Variants in TMIGD2 observed in about 807,000 individuals in gnomAD.
TMIGD2 encodes the protein transmembrane and immunoglobulin domain containing 2, also known as transmembrane and immunoglobulin domain-containing protein 2.
A neutral mutation model predicts 22.6 loss-of-function variants in TMIGD2; 18 were observed. The observed-to-expected ratio is 0.80, with a 90% CI of 0.55 to 1.18. The LOEUF (loss-of-function observed/expected upper bound fraction) is 1.18, where lower values mean the gene tolerates loss of function less well. Ranked by LOEUF, TMIGD2 falls within the 50% of genes most tolerant of loss-of-function variation. TMIGD2 has a pLI of 0.00. For synonymous variants in TMIGD2, 184 were observed against 154.1 expected, an observed-to-expected ratio of 1.19 and a Z score of -1.44; for missense variants, 361 against 378.2, an observed-to-expected ratio of 0.95 and a Z score of 0.38.
At chr19:4,294,809 G>A (rs751804277) in exon 3 of TMIGD2, 5 of 1,585,714 alleles carry the variant, frequency 3.2e-6, no homozygotes, top group Non-Finnish European at 4.3e-6. Context: ...TGTTCTGTGT[G>A]GGGTCATCTG....
chr19:4,294,846 T>A, intron 2 of TMIGD2, 30 bp from the exon 3 acceptor site: 1 of 1,521,026 alleles, frequency 6.6e-7, no homozygotes, highest in Non-Finnish European at 8.8e-7. Flanking sequence ...GTCACGGGGG[T>A]GCCAGGCTTC....
At position 4,293,056 on chromosome 19, in the gene TMIGD2, T is replaced by C. The variant is rs765840186; in HGVS notation, c.563-171A>G. Among the ~76,000 whole-genome samples, 15 of 151,534 alleles carry C rather than the reference T, an allele frequency of 9.9e-5. No homozygotes were observed. In the East Asian group the frequency reaches 1.2e-3, roughly 12 times the overall value. ...TCGGCTCACTGCAAGCTTCGCCTCC[T>C]GGGTTCACGCCATTCTCCTGCCTCA... On this transcript the variant is annotated intron_variant, in intron 4 of 4. Coordinates refer to ENST00000301272, the Ensembl canonical transcript of TMIGD2.
intron 1 of TMIGD2, among the ~76,000 whole-genome samples, chr19:4,300,244 G>GCCTGGGTGAGAC (rs1456790054): frequency 1.4e-5 from 2 of 138,450 alleles, no homozygotes; most frequent in Non-Finnish European, 1.5e-5. Flanking sequence ...CTGGGTGACA[G>GCCTGGGTGAGAC]AGCGAGGCTC....
At chr19:4,301,939 AGAG>A (rs1971541682) in intron 1 of TMIGD2, among the ~76,000 whole-genome samples, 1 of 152,210 alleles carries the variant, frequency 6.6e-6, no homozygotes, top group Non-Finnish European at 1.5e-5. Flanking sequence ...ATGCAATTGC[AGAG>A]GAGGGTAGAG....
exon 2 of TMIGD2, chr19:4,297,994 A>C: frequency 1.9e-6 from 3 of 1,584,874 alleles, no homozygotes; most frequent in Non-Finnish European, 2.6e-6. Flanking sequence ...ACCTGGGTCC[A>C]CAAAGAGCCT....
At position 4,292,872 on chromosome 19, in the gene TMIGD2, GTAGAATGCATTTCC is replaced by G. The variant is rs780540600; in HGVS notation, c.563-1_575del. The G allele has an allele frequency of 6.2e-6, 10 of 1,613,678 alleles. No individual in the cohort carries two copies. Among genetic ancestry groups the G allele is most frequent in the Non-Finnish European group, 8.5e-6 (10 of 1,179,922 alleles). On this transcript the variant is annotated splice_acceptor_variant and coding_sequence_variant, in exon 5 of 5. Coordinates refer to ENST00000301272, the Ensembl canonical transcript of TMIGD2. LOFTEE classifies it high-confidence loss of function. ...CCCGGGGCCGGTATAGGACGTTGCTGTAGAATGCATTTCCTAGGATGGATGACACAGACCAAGAG... is the reference window on the plus strand; with the variant it reads ...CCCGGGGCCGGTATAGGACGTTGCTGTAGGATGGATGACACAGACCAAGAG...
chr19:4,294,487 C>T lies in TMIGD2; in HGVS notation c.562+80G>A. 6 of 1,225,344 alleles carry T rather than the reference C, an allele frequency of 4.9e-6. 1 individual carries two copies. The South Asian group carries it at 6.4e-5, about 13-fold the overall frequency. The allele number at this position is 1,225,344 out of a possible 1,614,324, so 75.9% of individuals were successfully genotyped here. A position where few individuals can be genotyped will look rare whatever the true frequency, so the allele number is the denominator to read the frequency against. ...CTCCCTTCATCCCTCCTCCATCCTT[C>T]CCCCAGGCGGGAGCACAGATGCAGT... On this transcript the variant is annotated intron_variant, in intron 4 of 4. Coordinates refer to ENST00000301272, the Ensembl canonical transcript of TMIGD2.
exon 5 of TMIGD2, chr19:4,292,855 C>T (rs532490116): frequency 4.9e-5 from 79 of 1,613,784 alleles, no homozygotes; most frequent in South Asian, 2.6e-4. Context: ...CCCCCGGGGC[C>T]GGTATAGGAC....
exon 1 of TMIGD2, chr19:4,302,387 C>T (rs142190672): frequency 9.0e-5 from 141 of 1,560,832 alleles, no homozygotes; most frequent in Non-Finnish European, 1.1e-4. Flanking sequence ...GGACCCCATT[C>T]CTGGCCCATC....
At chr19:4,295,700 T>C (rs1439769024) in intron 2 of TMIGD2, among the ~76,000 whole-genome samples, 1 of 152,154 alleles carries the variant, frequency 6.6e-6, no homozygotes, top group African/African-American at 2.4e-5. Flanking sequence ...TGGTTGTTTT[T>C]GTTTTTGTTT....
At chr19:4,296,118 T>C (rs1345488001) in intron 2 of TMIGD2, among the ~76,000 whole-genome samples, 1 of 152,148 alleles carries the variant, frequency 6.6e-6, no homozygotes, top group African/African-American at 2.4e-5. Context: ...GAGGTCTTGC[T>C]GTGTTGGCCA....
At chr19:4,294,802 T>C in exon 3 of TMIGD2, 1 of 1,586,408 alleles carries the variant, frequency 6.3e-7, no homozygotes, top group Non-Finnish European at 8.6e-7. Flanking sequence ...CGGTTTCTGT[T>C]CTGTGTGGGG....
chr19:4,299,698 C>A (rs968494267), intron 1 of TMIGD2, among the ~76,000 whole-genome samples: 8 of 151,756 alleles, frequency 5.3e-5, no homozygotes, highest in African/African-American at 1.9e-4. Context: ...ACCCGTCTGG[C>A]CAACGTGGTG....
At chr19:4,300,961 AGTTTTTGTTTTT>A (rs56121229) in intron 1 of TMIGD2, among the ~76,000 whole-genome samples, 5 of 151,254 alleles carry the variant, frequency 3.3e-5, no homozygotes, top group South Asian at 2.1e-4. Context: ...GTCCAATTGA[AGTTTTTGTTTTT>A]GTTTTTGTTT....
In TMIGD2 at chr19:4,298,062, G is replaced by A. The variant is rs761137600; in HGVS notation, c.330C>T (p.Tyr110=). The A allele has an allele frequency of 4.8e-5, 77 of 1,613,528 alleles. No individual in the cohort carries two copies. In the South Asian group the frequency reaches 7.4e-4, roughly 15 times the overall value. ...GAATCTCTACGGCCGCCCAGCACAC[G>A]TACGCCCCGCTGTGGTTGAGGCTCA... The change falls in exon 2 of 5, where the codon TAC becomes TAT. Residue 110 remains tyrosine, a synonymous_variant. Coordinates refer to ENST00000301272, the Ensembl canonical transcript of TMIGD2.
rs1048035422 is a variant in TMIGD2 at position 4,295,557 on chromosome 19, C to G, written c.407-741G>C. 1.6e-4 allele frequency among the ~76,000 whole-genome samples: 24 copies of G among 149,010 alleles called. 1 individual carries two copies. Among genetic ancestry groups the G allele is most frequent in the Non-Finnish European group, 1.5e-5 (1 of 67,466 alleles). ...CCTGGGCGACAGAGCGAGACTGTCT[C>G]GAAAAAAAAAAAGAAAAATGAGGCT... is the stretch of plus-strand genomic sequence containing the variant. On this transcript the variant is annotated intron_variant, in intron 2 of 4. Transcript: ENST00000301272.
chr19:4,302,258 G>GAT, intron 1 of TMIGD2, 82 bp downstream of exon 1: 1 of 1,434,744 alleles, frequency 7.0e-7, no homozygotes, highest in African/African-American at 1.4e-5. Context: ...CTGAAGTTTA[G>GAT]AGGGGCCCTG....
intron 2 of TMIGD2, among the ~76,000 whole-genome samples, chr19:4,296,402 C>CTAAA (rs1488215454): frequency 6.6e-6 from 1 of 152,240 alleles, no homozygotes; most frequent in African/African-American, 2.4e-5. Context: ...GGAACCCCAG[C>CTAAA]TAAAGGCTGT....
intron 1 of TMIGD2, among the ~76,000 whole-genome samples, chr19:4,299,114 A>G (rs1971501766): frequency 6.6e-6 from 1 of 152,134 alleles, no homozygotes; most frequent in African/African-American, 2.4e-5. Context: ...GAGAGTAATC[A>G]GGGAAGGCCT....
Sources: gnomAD v4.1 joint callset for allele counts (sites outside exome capture counted in the v4.1 genomes callset) on GRCh38, gnomAD v4.1.1 for gene constraint, MANE v1.5 for transcripts, NCBI Gene and HGNC (gene_info 2026-07-23, HGNC 2026-07-21) for gene names.